The following RARB variants were observed in gnomAD, a reference collection of about 807,000 sequenced individuals.
RARB encodes the protein retinoic acid receptor beta, also known as HBV-activated protein.
A neutral mutation model predicts 51.9 loss-of-function variants in RARB; 17 were observed. The ratio of observed to expected loss-of-function variants is 0.33; its 90% CI spans 0.22 to 0.49. The LOEUF is 0.49. Ranked by LOEUF, RARB falls within the 20% of genes least tolerant of loss-of-function variation. The pLI, the probability that RARB is intolerant of heterozygous loss-of-function variation, is 0.99. For synonymous variants in RARB, 215 were observed against 195.4 expected (o/e 1.10, Z -0.84); for missense variants, 369 against 550.8 (o/e 0.67, Z 3.30).
At chr3:25,586,122 A>C (rs1701375760) in intron 5 of RARB, among the ~76,000 whole-genome samples, 2 of 151,964 alleles carry the variant, frequency 1.3e-5, no homozygotes, top group African/African-American at 2.4e-5. Flanking sequence ...AGCCTCAGTC[A>C]AGCTCTTTCC....
chr3:25,063,474 A>G (rs912949397), intron 3 of RARB, among the ~76,000 whole-genome samples: 18 of 152,050 alleles, frequency 1.2e-4, no homozygotes, highest in African/African-American at 4.3e-4. Flanking sequence ...AGTGAAGCCA[A>G]TTTAGTATTT....
At chr3:25,055,027 G>T (rs373415978) in intron 2 of RARB, among the ~76,000 whole-genome samples, 1 of 152,026 alleles carries the variant, frequency 6.6e-6, no homozygotes, top group African/African-American at 2.4e-5. Context: ...TAAATACTTC[G>T]TGTATTAGAA....
chr3:25,327,336 C>T (rs1438248051), intron 5 of RARB, among the ~76,000 whole-genome samples: 1 of 151,946 alleles, frequency 6.6e-6, no homozygotes, highest in Non-Finnish European at 1.5e-5. Context: ...AGATTCACAT[C>T]AAGCAGCACT....
intron 5 of RARB, among the ~76,000 whole-genome samples, chr3:25,303,454 G>C (rs1004620952): frequency 6.6e-6 from 1 of 152,102 alleles, no homozygotes; most frequent in African/African-American, 2.4e-5. Context: ...ATTTTTTTGA[G>C]CTGGTGCAAG....
At chr3:25,548,021 T>C (rs1243304807) in intron 3 of RARB, among the ~76,000 whole-genome samples, 2 of 152,040 alleles carry the variant, frequency 1.3e-5, no homozygotes, top group Non-Finnish European at 2.9e-5. Context: ...GAAAGGAAGA[T>C]GGGTGATTTT....
At chr3:25,452,529 C>G (rs548966673) in intron 1 of RARB, among the ~76,000 whole-genome samples, 6 of 152,136 alleles carry the variant, frequency 3.9e-5, no homozygotes, top group Admixed American at 3.9e-4. Flanking sequence ...AAGTTATAAC[C>G]GTGAGTTAAA....
intron 5 of RARB, among the ~76,000 whole-genome samples, chr3:25,208,067 G>C (rs1156722888): frequency 6.6e-6 from 1 of 152,096 alleles, no homozygotes; most frequent in East Asian, 1.9e-4. Flanking sequence ...TAAGCAACCG[G>C]ATCTCATGAG....
At chr3:24,889,675 AGTGTGTGT>A (rs71057686) in intron 2 of RARB, among the ~76,000 whole-genome samples, 8 of 142,958 alleles carry the variant, frequency 5.6e-5, no homozygotes, top group East Asian at 2.0e-4. Flanking sequence ...CACCTCTTAA[AGTGTGTGT>A]GTGTGTGTGT....
At position 24,922,017 on chromosome 3, in the gene RARB, T is replaced by C. The variant is rs528208650; in HGVS notation, c.-380+63265T>C. Reference sequence around the variant, plus strand: ...AGGGCCAAGGATGCAGTAGAGTCTCTAGGTCTGCATGCTAGACCCTTGGGG... The same window carrying C: ...AGGGCCAAGGATGCAGTAGAGTCTCCAGGTCTGCATGCTAGACCCTTGGGG... On this transcript the variant is annotated intron_variant, in intron 2 of 11. Coordinates refer to the RARB transcript ENST00000383772. Among the ~76,000 whole-genome samples the C allele has an allele frequency of 3.9e-5, 6 of 152,356 alleles. No individual in the cohort carries two copies. The East Asian group carries it at 1.2e-3, about 29-fold the overall frequency.
chr3:25,213,322 G>A (rs778661105), intron 5 of RARB, among the ~76,000 whole-genome samples: 8 of 151,986 alleles, frequency 5.3e-5, no homozygotes, highest in Non-Finnish European at 1.2e-4. Flanking sequence ...CACAGTTTGA[G>A]TCCTTTTGTG....
chr3:25,195,441 C>T (rs117873008), intron 5 of RARB, among the ~76,000 whole-genome samples: 6 of 151,944 alleles, frequency 3.9e-5, no homozygotes, highest in South Asian at 2.1e-4. Context: ...TTTCTTAAGA[C>T]GATTCAGACA....
At chr3:25,219,229 C>T (rs1701894682) in intron 5 of RARB, among the ~76,000 whole-genome samples, 1 of 149,918 alleles carries the variant, frequency 6.7e-6, no homozygotes, top group Non-Finnish European at 1.5e-5. Flanking sequence ...GATCCTCTCT[C>T]TTGAAAGGAA....
chr3:24,997,016 T>G (rs1259258344), intron 2 of RARB, among the ~76,000 whole-genome samples: 1 of 152,142 alleles, frequency 6.6e-6, no homozygotes, highest in African/African-American at 2.4e-5. Context: ...CTTTGTTGTT[T>G]TTCTATCTAC....
chr3:25,370,373 C>G (rs1475099029), intron 5 of RARB, among the ~76,000 whole-genome samples: 1 of 152,076 alleles, frequency 6.6e-6, no homozygotes, highest in African/African-American at 2.4e-5. Context: ...AAGGAAGTAA[C>G]TGGTACCATA....
chr3:25,592,594 G>C (rs1165732096), intron 5 of RARB, among the ~76,000 whole-genome samples: 1 of 152,168 alleles, frequency 6.6e-6, no homozygotes. Flanking sequence ...AGTTTGTTTT[G>C]CTCTGAGTGA....
chr3:25,428,217 C>T (rs1708053732), upstream of RARB: 5 of 1,228,554 alleles, frequency 4.1e-6, no homozygotes, highest in Non-Finnish European at 5.1e-6. Context: ...TAGGGTTCAC[C>T]GAAAGTTCAC....
At chr3:25,500,813 A>T (rs1006809105) in intron 2 of RARB, among the ~76,000 whole-genome samples, 4 of 151,890 alleles carry the variant, frequency 2.6e-5, no homozygotes, top group Non-Finnish European at 5.9e-5. Flanking sequence ...ATCCTCATAT[A>T]TTGGTTTTCT....
intron 1 of RARB, among the ~76,000 whole-genome samples, chr3:24,841,859 CTATT>C (rs1702425129): frequency 6.6e-6 from 1 of 152,074 alleles, no homozygotes; most frequent in Non-Finnish European, 1.5e-5. Context: ...TTTATTAATG[CTATT>C]TAGTGAACTT....
chr3:24,984,811 CTG>C (rs750600416), intron 2 of RARB, among the ~76,000 whole-genome samples: 3 of 152,188 alleles, frequency 2.0e-5, no homozygotes, highest in Non-Finnish European at 4.4e-5. Context: ...AATCATTTCA[CTG>C]TGTATATGTA....
Sources: gnomAD v4.1 joint callset for allele counts (sites outside exome capture counted in the v4.1 genomes callset) on GRCh38, gnomAD v4.1.1 for gene constraint, MANE v1.5 for transcripts, NCBI Gene and HGNC (gene_info 2026-07-23, HGNC 2026-07-21) for gene names.